The following ATRNL1 variants were observed in gnomAD, a reference collection of about 807,000 sequenced individuals.
ATRNL1 encodes the protein attractin like 1.
Under a neutral mutation model 182.7 loss-of-function variants are expected in ATRNL1, and 95 were observed. That is an observed-to-expected ratio of 0.52 (90% confidence interval 0.44 to 0.62). ATRNL1 has a LOEUF of 0.62. Among genes scored for constraint, ATRNL1 ranks in the 20% least tolerant of loss-of-function variants. ATRNL1 has a pLI of 0.00. For missense variants in ATRNL1, 1,471 were observed against 1,679.5 expected, an observed-to-expected ratio of 0.88 and a Z score of 2.17; for synonymous variants, 576 against 568.3, an observed-to-expected ratio of 1.01 and a Z score of -0.19.
intron 10 of ATRNL1, 32 bp from the exon 11 acceptor site, chr10:115,265,161 C>T: frequency 7.4e-7 from 1 of 1,354,804 alleles, no homozygotes; most frequent in Non-Finnish European, 1.0e-6. Context: ...TCTTTTATTT[C>T]ATTTTTTGTT....
chr10:115,823,432 A>G (rs1388840292), intron 27 of ATRNL1, among the ~76,000 whole-genome samples: 4 of 152,204 alleles, frequency 2.6e-5, no homozygotes, highest in African/African-American at 4.8e-5. Context: ...GGCCAGGGCA[A>G]TCAGGCAAGA....
In ATRNL1 at chr10:115,727,360, G is replaced by A. The variant is rs1189819159; in HGVS notation, c.3903+5G>A. On this transcript the variant is annotated splice_donor_5th_base_variant and intron_variant, in intron 27 of 28. Transcript: ENST00000355044. ...TTTCTGCGAGGGCCATTAGAGGTAG[G>A]AACAGCGGTGCTGAAAGAGGACCAC... The A allele has an allele frequency of 3.7e-6, 6 of 1,606,110 alleles. No individual in the cohort carries two copies. The highest frequency in any genetic ancestry group is 5.1e-6 in the Non-Finnish European group (6 of 1,173,016).
At chr10:115,508,464 C>T (rs782807955) in intron 24 of ATRNL1, among the ~76,000 whole-genome samples, 9 of 151,976 alleles carry the variant, frequency 5.9e-5, no homozygotes, top group South Asian at 2.1e-4. Flanking sequence ...AATGCCAATA[C>T]GGCCGAAATC....
At chr10:115,260,803 G>A (rs1172816398) in intron 10 of ATRNL1, among the ~76,000 whole-genome samples, 1 of 151,942 alleles carries the variant, frequency 6.6e-6, no homozygotes, top group Non-Finnish European at 1.5e-5. Flanking sequence ...ATAAAGTGAA[G>A]AATCTCCATA....
intron 28 of ATRNL1, among the ~76,000 whole-genome samples, chr10:115,930,390 A>ACTTCAGAACTAGCCATACACAAG (rs1953359569): frequency 6.6e-6 from 1 of 152,094 alleles, no homozygotes; most frequent in Non-Finnish European, 1.5e-5. Context: ...CATCCCATAA[A>ACTTCAGAACTAGCCATACACAAG]CTTCAGAACT....
chr10:115,350,742 G>A (rs1173382172), intron 19 of ATRNL1, among the ~76,000 whole-genome samples: 3 of 151,982 alleles, frequency 2.0e-5, no homozygotes, highest in Non-Finnish European at 2.9e-5. Context: ...GATTGCTTTG[G>A]CTATTCTGAG....
chr10:115,888,213 C>A (rs1951997831), intron 28 of ATRNL1, among the ~76,000 whole-genome samples: 1 of 152,204 alleles, frequency 6.6e-6, no homozygotes, highest in Non-Finnish European at 1.5e-5. Flanking sequence ...GTAGCTCAAT[C>A]ATTTCTTCCT....
chr10:115,699,633 C>G (rs1456582245), intron 26 of ATRNL1, among the ~76,000 whole-genome samples: 1 of 152,146 alleles, frequency 6.6e-6, no homozygotes, highest in Non-Finnish European at 1.5e-5. Flanking sequence ...GGACCATTCA[C>G]AGTCAGAGAA....
chr10:115,127,989 T>C (rs1451209784), intron 4 of ATRNL1, among the ~76,000 whole-genome samples: 1 of 152,198 alleles, frequency 6.6e-6, no homozygotes, highest in East Asian at 1.9e-4. Flanking sequence ...CAAGTACTAG[T>C]GTAGCTTTAC....
intron 5 of ATRNL1, among the ~76,000 whole-genome samples, chr10:115,153,486 A>G (rs1376473298): frequency 3.3e-5 from 5 of 152,102 alleles, no homozygotes; most frequent in Admixed American, 1.3e-4. Context: ...TAGATTTTCT[A>G]GTTTATTTGC....
At chr10:115,828,961 T>C (rs1950500744) in intron 27 of ATRNL1, among the ~76,000 whole-genome samples, 2 of 152,194 alleles carry the variant, frequency 1.3e-5, no homozygotes, top group African/African-American at 4.8e-5. Flanking sequence ...GTCTACATGC[T>C]GATAGCATTT....
chr10:115,205,831 A>G (rs1287207166), intron 8 of ATRNL1, among the ~76,000 whole-genome samples: 2 of 152,036 alleles, frequency 1.3e-5, no homozygotes, highest in Non-Finnish European at 2.9e-5. Context: ...CCATGTAAAT[A>G]TTTTTGCTTT....
chr10:115,137,897 G>A (rs1401860317), intron 5 of ATRNL1, among the ~76,000 whole-genome samples: 2 of 152,318 alleles, frequency 1.3e-5, no homozygotes, highest in African/African-American at 2.4e-5. Context: ...TCTGAGACAA[G>A]GCAAGTCCCT....
chr10:115,532,193 T>G (rs1328198501), intron 25 of ATRNL1, among the ~76,000 whole-genome samples: 53 of 152,176 alleles, frequency 3.5e-4, no homozygotes, highest in African/African-American at 6.5e-4. Flanking sequence ...GATGGGGATG[T>G]CATTGAATCT....
chr10:115,889,184 A>C (rs1245155626), intron 28 of ATRNL1, among the ~76,000 whole-genome samples: 1 of 152,248 alleles, frequency 6.6e-6, no homozygotes, highest in Admixed American at 6.5e-5. Flanking sequence ...AGAGAGAAGC[A>C]GAAAGGCAGA....
chr10:115,271,942 T>C (rs782272043), intron 13 of ATRNL1, among the ~76,000 whole-genome samples: 16 of 152,202 alleles, frequency 1.1e-4, no homozygotes, highest in Non-Finnish European at 1.9e-4. Context: ...CATGAATGGC[T>C]TGGGCCACCC....
At chr10:115,265,366 T>C in intron 11 of ATRNL1, 89 bp downstream of exon 11, 1 of 796,472 alleles carries the variant, frequency 1.3e-6, no homozygotes, top group Non-Finnish European at 2.0e-6. Flanking sequence ...AAAATTATCA[T>C]TGGTACTTAA....
In ATRNL1 at chr10:115,360,658, T is replaced by G. The variant is rs797028890; in HGVS notation, c.3175+26239T>G. ...TTTTTGAGGCCTTCTTAGTCTTTTT[T>G]TTTTAAAAAAAAATTTATTTTACTT... On this transcript the variant is annotated intron_variant, in intron 19 of 28. Coordinates refer to ENST00000355044, the MANE Select transcript of ATRNL1 (RefSeq NM_207303.4). Among the ~76,000 whole-genome samples the G allele has an allele frequency of 3.3e-5, 5 of 151,790 alleles. 1 individual carries two copies. Among genetic ancestry groups the G allele is most frequent in the African/African-American group, 1.2e-4 (5 of 41,504 alleles).
intron 26 of ATRNL1, chr10:115,597,568 C>CT (rs71010036): frequency 6.4e-3 from 1,622 of 251,732 alleles, no homozygotes; most frequent in South Asian, 0.011. Context: ...TTTATGGGAG[C>CT]TTTTTTTTTT....
Sources: gnomAD v4.1 joint callset for allele counts (sites outside exome capture counted in the v4.1 genomes callset) on GRCh38, gnomAD v4.1.1 for gene constraint, MANE v1.5 for transcripts, NCBI Gene and HGNC (gene_info 2026-07-23, HGNC 2026-07-21) for gene names.